The following LAMA2 variants were observed in gnomAD, a reference collection of about 807,000 sequenced individuals.
LAMA2 encodes laminin subunit alpha-2.
In LAMA2, 269 loss-of-function variants were observed where a neutral mutation model predicts 364.8. The observed-to-expected ratio is 0.74, with a 90% CI of 0.67 to 0.82. The LOEUF (loss-of-function observed/expected upper bound fraction) is 0.82. Among genes scored for constraint, LAMA2 ranks in the 40% least tolerant of loss-of-function variants. The probability of loss-of-function intolerance (pLI) is 0.00; values close to 1 mark genes in which losing one functional copy is unlikely to be tolerated. For synonymous variants in LAMA2, 1,379 were observed against 1,370.6 expected (o/e 1.01, Z -0.14); for missense variants, 3,807 against 3,873.2 (o/e 0.98, Z 0.45).
At position 129,514,562 on chromosome 6, in the gene LAMA2, A is replaced by G. The variant is rs1467568064; in HGVS notation, c.9178A>G (p.Thr3060Ala). The change falls in exon 64 of 65, where the codon ACA becomes GCA. Residue 3060 changes from threonine to alanine, a missense_variant. Transcript: ENST00000421865. ...AAACCCAGCATCTACATCAGCTGACACAAATGACCCTGTGTTTGTTGGAGG... is the reference window on the plus strand; with the variant it reads ...AAACCCAGCATCTACATCAGCTGACGCAAATGACCCTGTGTTTGTTGGAGG... The part of the protein sequence containing the change: ...SPNPASTSAD[T>A]NDPVFVGGFP... 6.2e-7 allele frequency: 1 copy of G among 1,614,154 alleles called. No individual in the cohort carries two copies. Among genetic ancestry groups the G allele is most frequent in the Admixed American group, 1.7e-5 (1 of 60,014 alleles).
intron 18 of LAMA2, among the ~76,000 whole-genome samples, chr6:129,283,846 G>A (rs1562413733): frequency 6.6e-6 from 1 of 151,936 alleles, no homozygotes; most frequent in Non-Finnish European, 1.5e-5. Flanking sequence ...GGTCCTGAAT[G>A]CAGAGCATGG....
chr6:129,333,313 A>G (rs2114546142), intron 29 of LAMA2, among the ~76,000 whole-genome samples: 1 of 152,298 alleles, frequency 6.6e-6, no homozygotes, highest in East Asian at 1.9e-4. Context: ...CTATTTTATT[A>G]CTGATTTTAA....
intron 40 of LAMA2, 72 bp downstream of exon 40, chr6:129,404,031 T>G (rs1780120700): frequency 1.3e-6 from 2 of 1,538,748 alleles, no homozygotes; most frequent in East Asian, 4.5e-5. Context: ...TAAGTCAGTC[T>G]GGAAAATCCC....
At chr6:129,176,229 A>G (rs1052105712) in intron 9 of LAMA2, among the ~76,000 whole-genome samples, 2 of 152,122 alleles carry the variant, frequency 1.3e-5, no homozygotes, top group East Asian at 3.9e-4. Flanking sequence ...AATTTTTAGA[A>G]CAGTTGAATT....
chr6:129,312,725 A>C, intron 22 of LAMA2, 136 bp from the exon 23 acceptor site: 1 of 719,186 alleles, frequency 1.4e-6, no homozygotes, highest in Non-Finnish European at 2.5e-6. Context: ...AAGTGACTAA[A>C]CTAGAATAGT....
chr6:129,469,199 T>G (rs1052229390), intron 51 of LAMA2, among the ~76,000 whole-genome samples: 2 of 151,922 alleles, frequency 1.3e-5, no homozygotes, highest in African/African-American at 4.8e-5. Flanking sequence ...TGATTTTAAG[T>G]AGAGATGTGA....
At chr6:129,514,855 G>T (rs1048772791) in intron 64 of LAMA2, among the ~76,000 whole-genome samples, 1 of 152,188 alleles carries the variant, frequency 6.6e-6, no homozygotes, top group Admixed American at 6.6e-5. Flanking sequence ...TGGAGGAAAT[G>T]AATTTGGCTT....
chr6:129,071,495 A>G (rs1332888026), intron 3 of LAMA2, among the ~76,000 whole-genome samples: 1 of 152,026 alleles, frequency 6.6e-6, no homozygotes. Context: ...ATGGATACCT[A>G]TGTTATTAAT....
chr6:129,110,136 C>G (rs1776065085), intron 4 of LAMA2, among the ~76,000 whole-genome samples: 1 of 151,550 alleles, frequency 6.6e-6, no homozygotes, highest in Non-Finnish European at 1.5e-5. Flanking sequence ...TACTTATATT[C>G]ATTGCAATTT....
chr6:128,883,795 T>TACACACACAC lies in LAMA2; in HGVS notation c.112+439_112+440insCACACACACA, dbSNP rs1189690006. On this transcript the variant is annotated intron_variant, in intron 1 of 64. Transcript: ENST00000421865. Reference sequence around the variant, plus strand: ...ATGCATCAAAAAAAAATTATATATATATATATACACACACACACACACACA... The same window carrying TACACACACAC: ...ATGCATCAAAAAAAAATTATATATATACACACACACATATATACACACACACACACACACA... Among the ~76,000 whole-genome samples, 132 of 132,830 alleles carry TACACACACAC rather than the reference T, an allele frequency of 9.9e-4. 1 individual carries two copies. The highest frequency in any genetic ancestry group is 4.2e-3 in the African/African-American group (127 of 29,980). The allele number at this position is 132,830 out of a possible 152,430, so 87.1% of individuals were successfully genotyped here. A position where few individuals can be genotyped will look rare whatever the true frequency, so the allele number is the denominator to read the frequency against.
chr6:129,220,283 T>A (rs1783737095), intron 12 of LAMA2, among the ~76,000 whole-genome samples: 1 of 152,178 alleles, frequency 6.6e-6, no homozygotes, highest in African/African-American at 2.4e-5. Context: ...TAATATTAAC[T>A]ACACAAAGAT....
intron 3 of LAMA2, among the ~76,000 whole-genome samples, chr6:129,076,196 G>T (rs1213006682): frequency 2.6e-5 from 4 of 151,662 alleles, no homozygotes; most frequent in African/African-American, 7.3e-5. Context: ...AACAGTAAAG[G>T]CCTGTTTAAG....
intron 40 of LAMA2, among the ~76,000 whole-genome samples, chr6:129,425,325 A>G (rs1423931876): frequency 2.6e-5 from 4 of 152,028 alleles, no homozygotes; most frequent in African/African-American, 9.7e-5. Context: ...CACAATTTCC[A>G]CAACTTAGAT....
intron 8 of LAMA2, chr6:129,157,664 C>T (rs1779194985): frequency 2.5e-6 from 4 of 1,612,266 alleles, no homozygotes; most frequent in East Asian, 2.2e-5. Context: ...CACTGTTCCA[C>T]CGATTAGACA....
chr6:129,280,070 A>G lies in LAMA2; in HGVS notation c.2460A>G (p.Pro820=). The G allele has an allele frequency of 6.2e-7, 1 of 1,612,454 alleles. No individual in the cohort carries two copies. Reference sequence around the variant, plus strand: ...AACAACATCAACATAGCTTTAGCCCAACGTGCCATTTAGACCGGAGTCTTG... The same window carrying G: ...AACAACATCAACATAGCTTTAGCCCGACGTGCCATTTAGACCGGAGTCTTG... ...PLNIPSNNFS[P]TCHLDRSLGL... The change falls in exon 18 of 65, where the codon CCA becomes CCG. Residue 820 remains proline, a synonymous_variant. Transcript: ENST00000421865.
At chr6:128,955,291 A>G (rs1781073038) in intron 1 of LAMA2, among the ~76,000 whole-genome samples, 1 of 152,004 alleles carries the variant, frequency 6.6e-6, no homozygotes, top group South Asian at 2.1e-4. Context: ...TTACACTTGT[A>G]GATAGGAACT....
At chr6:129,338,654 A>G (rs1053007917) in intron 29 of LAMA2, among the ~76,000 whole-genome samples, 1 of 152,206 alleles carries the variant, frequency 6.6e-6, no homozygotes, top group African/African-American at 2.4e-5. Context: ...ACATGCATTC[A>G]TTCATTCAGT....
At chr6:129,365,158 A>G (rs1198894636) in intron 32 of LAMA2, among the ~76,000 whole-genome samples, 2 of 152,210 alleles carry the variant, frequency 1.3e-5, no homozygotes, top group Non-Finnish European at 2.9e-5. Flanking sequence ...GGCTACTTAA[A>G]GAATATAGTT....
chr6:129,044,499 C>T (rs1286981754), intron 1 of LAMA2, among the ~76,000 whole-genome samples: 1 of 151,534 alleles, frequency 6.6e-6, no homozygotes, highest in Non-Finnish European at 1.5e-5. Flanking sequence ...AGCAGAATTT[C>T]AGTTTTTCAA....
Sources: gnomAD v4.1 joint callset for allele counts (sites outside exome capture counted in the v4.1 genomes callset) on GRCh38, gnomAD v4.1.1 for gene constraint, MANE v1.5 for transcripts, NCBI Gene and HGNC (gene_info 2026-07-23, HGNC 2026-07-21) for gene names.